The following UBE2QL1 variants were observed in gnomAD, a reference collection of about 807,000 sequenced individuals.
UBE2QL1 encodes ubiquitin-conjugating enzyme E2Q-like protein 1.
Under a neutral mutation model 12.6 loss-of-function variants are expected in UBE2QL1, and 5 were observed. That is an observed-to-expected ratio of 0.40 (90% confidence interval 0.21 to 0.83). The LOEUF is 0.83. Among genes scored for constraint, UBE2QL1 ranks in the 40% least tolerant of loss-of-function variants. The probability of loss-of-function intolerance (pLI) is 0.37; values close to 1 mark genes in which losing one functional copy is unlikely to be tolerated. For missense variants in UBE2QL1, 99 were observed against 222.6 expected, an observed-to-expected ratio of 0.44 and a Z score of 3.53; for synonymous variants, 96 against 94.5, an observed-to-expected ratio of 1.02 and a Z score of -0.10.
At chr5:6,459,569 A>G (rs1282245937) in intron 1 of UBE2QL1, among the ~76,000 whole-genome samples, 2 of 152,232 alleles carry the variant, frequency 1.3e-5, no homozygotes, top group African/African-American at 4.8e-5. Context: ...TGCACAAAAC[A>G]AAATGCATAG....
At chr5:6,449,851 G>A (rs1739375299) in intron 1 of UBE2QL1, among the ~76,000 whole-genome samples, 1 of 141,694 alleles carries the variant, frequency 7.1e-6, no homozygotes. Flanking sequence ...CAACCTAGCT[G>A]ATCTCCCACC....
intron 1 of UBE2QL1, among the ~76,000 whole-genome samples, chr5:6,488,899 C>T (rs1301367107): frequency 6.6e-6 from 1 of 152,056 alleles, no homozygotes; most frequent in African/African-American, 2.4e-5. Flanking sequence ...GGACTTTGAT[C>T]TCAGCCCACA....
In UBE2QL1 at chr5:6,478,602, G is replaced by T. The variant is rs1161952385; in HGVS notation, c.355-12616G>T. Among the ~76,000 whole-genome samples, 2 of 151,482 alleles carry T rather than the reference G, an allele frequency of 1.3e-5. No homozygotes were observed. The highest frequency in any genetic ancestry group is 2.9e-5 in the Non-Finnish European group (2 of 67,900). Reference sequence around the variant, plus strand: ...TCTGATTCCTGTCACATTTCCTAGTGACATTCTTGGTCTCTTTCGGTTTTT... The same window carrying T: ...TCTGATTCCTGTCACATTTCCTAGTTACATTCTTGGTCTCTTTCGGTTTTT... On this transcript the variant is annotated intron_variant, in intron 1 of 1. Transcript: ENST00000399816. This position sits in a 1 kb window ranked among gnomAD's most constrained non-coding sequence, Gnocchi z 4.5.
In UBE2QL1 at chr5:6,469,448, CTT is replaced by C. The variant is rs894263767; in HGVS notation, c.354+20202_354+20203del. ...CTATACATATTTATATAATCTAAGG[CTT>C]ATATATATAAGCTATGGTGTTGAGC... is the stretch of plus-strand genomic sequence containing the variant. On this transcript the variant is annotated intron_variant, in intron 1 of 1. Coordinates refer to ENST00000399816, the MANE Select transcript of UBE2QL1 (RefSeq NM_001145161.3). Among the ~76,000 whole-genome samples the C allele has an allele frequency of 2.7e-5, 4 of 147,704 alleles. No homozygotes were observed. In the East Asian group the frequency reaches 7.8e-4, roughly 29 times the overall value.
chr5:6,471,309 G>C (rs1461763108), intron 1 of UBE2QL1, among the ~76,000 whole-genome samples: 1 of 152,212 alleles, frequency 6.6e-6, no homozygotes, highest in Non-Finnish European at 1.5e-5. Flanking sequence ...CTGTAGTTGA[G>C]GAATCTGAGT....
At chr5:6,480,626 A>G (rs1734339876) in intron 1 of UBE2QL1, among the ~76,000 whole-genome samples, 2 of 152,204 alleles carry the variant, frequency 1.3e-5, no homozygotes, top group African/African-American at 2.4e-5. Context: ...AGAAAGTACC[A>G]TCTGTTTCAA....
At chr5:6,464,612 C>T (rs1045821913) in intron 1 of UBE2QL1, among the ~76,000 whole-genome samples, 4 of 152,284 alleles carry the variant, frequency 2.6e-5, no homozygotes, top group Admixed American at 6.5e-5. Context: ...AGATGACTTA[C>T]GGCGCTCAGA....
At chr5:6,462,066 T>C (rs1180214524) in intron 1 of UBE2QL1, among the ~76,000 whole-genome samples, 2 of 152,156 alleles carry the variant, frequency 1.3e-5, no homozygotes. Flanking sequence ...GCGAGGGTGA[T>C]GGTCGTTTAA....
At chr5:6,466,777 T>C (rs906476166) in intron 1 of UBE2QL1, among the ~76,000 whole-genome samples, 2 of 152,262 alleles carry the variant, frequency 1.3e-5, no homozygotes, top group African/African-American at 4.8e-5. Flanking sequence ...ATGTGAATTA[T>C]CTTTCTCTAA....
intron 1 of UBE2QL1, among the ~76,000 whole-genome samples, chr5:6,483,701 A>G (rs528725790): frequency 6.6e-6 from 1 of 152,324 alleles, no homozygotes; most frequent in East Asian, 1.9e-4. Context: ...TTTTCTGCAG[A>G]AACTACATAT....
At chr5:6,463,719 C>T (rs1039062805) in intron 1 of UBE2QL1, among the ~76,000 whole-genome samples, 4 of 150,728 alleles carry the variant, frequency 2.7e-5, no homozygotes, top group African/African-American at 9.7e-5. Context: ...GCTCCGCCTC[C>T]CGGGTTCACG....
At chr5:6,475,237 A>G (rs1734206732) in intron 1 of UBE2QL1, among the ~76,000 whole-genome samples, 1 of 152,250 alleles carries the variant, frequency 6.6e-6, no homozygotes, top group African/African-American at 2.4e-5. Context: ...AGTTGCTTAT[A>G]GAAAATCTCT....
At position 6,494,136 on chromosome 5, in the gene UBE2QL1, A is replaced by G. The variant is rs1361318005; in HGVS notation, c.*2787A>G. On this transcript the variant is annotated 3_prime_UTR_variant, in exon 2 of 2. Coordinates refer to ENST00000399816, the MANE Select transcript of UBE2QL1 (RefSeq NM_001145161.3). ...AACCCATCTGTCCTCTTCTCAATGC[A>G]GAACTCCTTCCCGTCCAATAATTTT... is the stretch of plus-strand genomic sequence containing the variant. The G allele has an allele frequency of 6.6e-6, 1 of 152,272 alleles. No individual in the cohort carries two copies. The highest frequency in any genetic ancestry group is 1.5e-5 in the Non-Finnish European group (1 of 68,084). The allele number at this position is 152,272 out of a possible 1,614,324, so 9.4% of individuals were successfully genotyped here.
intron 1 of UBE2QL1, among the ~76,000 whole-genome samples, chr5:6,484,299 C>T (rs947065932): frequency 2.6e-5 from 4 of 152,148 alleles, no homozygotes; most frequent in Admixed American, 6.5e-5. Flanking sequence ...TGGAGGAAGT[C>T]GCCCAGCCTG....
At chr5:6,458,064 A>C (rs1284077527) in intron 1 of UBE2QL1, among the ~76,000 whole-genome samples, 3 of 152,206 alleles carry the variant, frequency 2.0e-5, no homozygotes, top group African/African-American at 7.2e-5. Flanking sequence ...TTACAGCTTT[A>C]TTTATTTTGT....
chr5:6,478,768 C>T lies in UBE2QL1; in HGVS notation c.355-12450C>T, dbSNP rs143678722. On this transcript the variant is annotated intron_variant, in intron 1 of 1. Coordinates refer to ENST00000399816, the MANE Select transcript of UBE2QL1 (RefSeq NM_001145161.3). This position sits in a 1 kb window ranked among gnomAD's most constrained non-coding sequence, Gnocchi z 4.5. ...ACGGGTGATCAAAGCCACAGCAGAC[C>T]ACAGGCAAGGGCTTAGGGCTGCAGG... 9.1e-3 allele frequency among the ~76,000 whole-genome samples: 1,385 copies of T among 152,240 alleles called. 8 individuals are homozygous for T. Among genetic ancestry groups the T allele is most frequent in the Non-Finnish European group, 0.013 (889 of 68,012 alleles).
chr5:6,457,119 T>C (rs1368780355), intron 1 of UBE2QL1, among the ~76,000 whole-genome samples: 2 of 151,950 alleles, frequency 1.3e-5, no homozygotes, highest in Non-Finnish European at 2.9e-5. Context: ...CATCTGGTTA[T>C]GAACCTTATG....
chr5:6,463,998 G>T (rs1172207399), intron 1 of UBE2QL1, among the ~76,000 whole-genome samples: 1 of 143,594 alleles, frequency 7.0e-6, no homozygotes, highest in East Asian at 2.2e-4. Flanking sequence ...TTGAGACAGA[G>T]TTTCACTCTT....
intron 1 of UBE2QL1, among the ~76,000 whole-genome samples, chr5:6,460,396 T>C (rs1739626672): frequency 6.6e-6 from 1 of 152,236 alleles, no homozygotes; most frequent in Non-Finnish European, 1.5e-5. Context: ...CAGCCTCCAA[T>C]GCACACAGAT....
Sources: allele counts gnomAD v4.1 joint callset (sites outside exome capture counted in the v4.1 genomes callset), GRCh38; gene constraint gnomAD v4.1.1; non-coding constraint Gnocchi (gnomAD v3.1); transcripts MANE v1.5; gene names NCBI Gene and HGNC (gene_info 2026-07-23, HGNC 2026-07-21).